Variants in NPAS3 observed in about 807,000 individuals in gnomAD.
NPAS3 encodes the protein neuronal PAS domain-containing protein 3.
Under a neutral mutation model 73.1 loss-of-function variants are expected in NPAS3, and 14 were observed. The ratio of observed to expected loss-of-function variants is 0.19; its 90% CI spans 0.13 to 0.30. The LOEUF is 0.30. NPAS3 is among the 10% of genes least tolerant of loss of function. The pLI, the probability that NPAS3 is intolerant of heterozygous loss-of-function variation, is 1.00. For missense variants in NPAS3, 1,096 were observed against 1,250.0 expected (o/e 0.88, Z 1.86); for synonymous variants, 620 against 541.5 (o/e 1.14, Z -2.01).
chr14:33,627,728 G>C (rs78819611), intron 5 of NPAS3, among the ~76,000 whole-genome samples: 3,839 of 152,320 alleles, frequency 0.025, 59 homozygotes, highest in South Asian at 0.045. Flanking sequence ...ATATAAGTTA[G>C]TGTTGATGAA....
chr14:33,458,587 T>G (rs1008149990), intron 4 of NPAS3, among the ~76,000 whole-genome samples: 1 of 152,216 alleles, frequency 6.6e-6, no homozygotes, highest in African/African-American at 2.4e-5. Context: ...GCATGTTAAT[T>G]GTCATATCTG....
chr14:33,138,886 G>A lies in NPAS3; in HGVS notation c.141-76296G>A, dbSNP rs200045303. Among the ~76,000 whole-genome samples, 10 of 152,250 alleles carry A rather than the reference G, an allele frequency of 6.6e-5. No homozygotes were observed. In the East Asian group the frequency reaches 1.5e-3, roughly 24 times the overall value. On this transcript the variant is annotated intron_variant, in intron 2 of 11. Transcript: ENST00000356141. ...GTATTTTCTTAGAATATATTCTGTCGTGACAAGGAAAGAAAGAGGAAGAAC... is the reference window on the plus strand; with the variant it reads ...GTATTTTCTTAGAATATATTCTGTCATGACAAGGAAAGAAAGAGGAAGAAC...
At chr14:33,469,151 C>T (rs1484028983) in intron 4 of NPAS3, among the ~76,000 whole-genome samples, 1 of 151,998 alleles carries the variant, frequency 6.6e-6, no homozygotes, top group Admixed American at 6.5e-5. Flanking sequence ...AAACTTTGCC[C>T]TTAGTCAAGG....
At position 33,183,090 on chromosome 14, in the gene NPAS3, A is replaced by T. The variant is rs1051142164; in HGVS notation, c.141-32092A>T. On this transcript the variant is annotated intron_variant, in intron 2 of 11. Coordinates refer to ENST00000356141, the Ensembl canonical transcript of NPAS3. ...TTCCTTTAAGTTGCCTTAAGGGCTCATATTTTTGCCACTACTTCTTTAACT... is the reference window on the plus strand; with the variant it reads ...TTCCTTTAAGTTGCCTTAAGGGCTCTTATTTTTGCCACTACTTCTTTAACT... 3.3e-5 allele frequency among the ~76,000 whole-genome samples: 5 copies of T among 152,232 alleles called. No individual in the cohort carries two copies. The East Asian group carries it at 7.7e-4, about 24-fold the overall frequency.
chr14:33,608,344 C>T (rs2057643190), intron 5 of NPAS3: 1 of 152,066 alleles, frequency 6.6e-6, no homozygotes, highest in African/African-American at 2.4e-5. Flanking sequence ...TAGGCAATAT[C>T]TACTTTTAAA....
chr14:33,117,729 T>G (rs1233099470), intron 2 of NPAS3, among the ~76,000 whole-genome samples: 2 of 152,134 alleles, frequency 1.3e-5, no homozygotes, highest in African/African-American at 2.4e-5. Flanking sequence ...TTTTACTTAG[T>G]AAAGTCATAA....
At chr14:33,133,889 C>T (rs1163682804) in intron 2 of NPAS3, among the ~76,000 whole-genome samples, 1 of 151,934 alleles carries the variant, frequency 6.6e-6, no homozygotes, top group African/African-American at 2.4e-5. Context: ...GGATTGTGGT[C>T]CAAAAGCTGT....
At position 33,291,178 on chromosome 14, in the gene NPAS3, A is replaced by C. The variant is rs1272987059; in HGVS notation, c.385+75752A>C. ...CAACCCCATGCTTAATTTACTAGGC[A>C]GTCTAGCTTCCAGTTCTAGAGCTTA... On this transcript the variant is annotated intron_variant, in intron 3 of 11. Coordinates refer to ENST00000356141, the Ensembl canonical transcript of NPAS3. 2.6e-5 allele frequency among the ~76,000 whole-genome samples: 4 copies of C among 152,192 alleles called. 1 individual carries two copies. The highest frequency in any genetic ancestry group is 5.9e-5 in the Non-Finnish European group (4 of 68,024).
At chr14:33,748,198 G>A (rs1439545367) in intron 7 of NPAS3, among the ~76,000 whole-genome samples, 2 of 152,148 alleles carry the variant, frequency 1.3e-5, no homozygotes, top group Non-Finnish European at 2.9e-5. Context: ...TCTTCCTTGA[G>A]TCAGTGTTCT....
intron 5 of NPAS3, among the ~76,000 whole-genome samples, chr14:33,639,106 A>G (rs1314139353): frequency 6.6e-6 from 1 of 152,218 alleles, no homozygotes; most frequent in Non-Finnish European, 1.5e-5. Context: ...CCACATTTTA[A>G]GGAAAACCAC....
At chr14:33,344,924 C>T (rs1188780864) in intron 3 of NPAS3, among the ~76,000 whole-genome samples, 1 of 152,094 alleles carries the variant, frequency 6.6e-6, no homozygotes, top group African/African-American at 2.4e-5. Flanking sequence ...CAAATGTCAC[C>T]CTGCCTCCCA....
At chr14:33,048,290 A>G (rs1217016204) in intron 1 of NPAS3, among the ~76,000 whole-genome samples, 1 of 152,252 alleles carries the variant, frequency 6.6e-6, no homozygotes, top group Non-Finnish European at 1.5e-5. Context: ...ATGTATACAC[A>G]TAATACTTTA....
intron 3 of NPAS3, among the ~76,000 whole-genome samples, chr14:33,313,178 G>A (rs2043074110): frequency 6.6e-6 from 1 of 152,046 alleles, no homozygotes; most frequent in African/African-American, 2.4e-5. Context: ...ATTTGAATTA[G>A]TATCTCTATG....
intron 1 of NPAS3, among the ~76,000 whole-genome samples, chr14:33,027,614 T>C (rs1028126114): frequency 3.3e-5 from 5 of 152,304 alleles, no homozygotes; most frequent in African/African-American, 7.2e-5. Flanking sequence ...GAATGCTCAT[T>C]GACGAGAGGT....
intron 3 of NPAS3, among the ~76,000 whole-genome samples, chr14:33,322,569 A>G (rs766135031): frequency 1.3e-5 from 2 of 151,734 alleles, no homozygotes; most frequent in Non-Finnish European, 2.9e-5. Context: ...ATTTTAAAGA[A>G]GTCTTTTTGT....
chr14:32,950,020 GA>G (rs1699115103), intron 1 of NPAS3, among the ~76,000 whole-genome samples: 1 of 151,968 alleles, frequency 6.6e-6, no homozygotes, highest in Non-Finnish European at 1.5e-5. Flanking sequence ...AGTAAAATAA[GA>G]ATTAGTGTGG....
At chr14:32,968,938 T>C (rs1276691367) in intron 1 of NPAS3, among the ~76,000 whole-genome samples, 1 of 152,148 alleles carries the variant, frequency 6.6e-6, no homozygotes, top group Non-Finnish European at 1.5e-5. Context: ...CTCTCCCTCT[T>C]CGTTGACAGG....
intron 3 of NPAS3, among the ~76,000 whole-genome samples, chr14:33,338,445 C>G (rs1386861017): frequency 6.6e-6 from 1 of 152,112 alleles, no homozygotes; most frequent in Admixed American, 6.6e-5. Context: ...TTTTGGTATA[C>G]TATCATAACT....
At chr14:33,573,067 T>C (rs1391344648) in intron 5 of NPAS3, among the ~76,000 whole-genome samples, 1 of 148,196 alleles carries the variant, frequency 6.7e-6, no homozygotes, top group Non-Finnish European at 1.5e-5. Flanking sequence ...ATGCTAATGG[T>C]GTAAATGAAC....
Sources: gnomAD v4.1 joint callset for allele counts (sites outside exome capture counted in the v4.1 genomes callset) on GRCh38, gnomAD v4.1.1 for gene constraint, MANE v1.5 for transcripts, NCBI Gene and HGNC (gene_info 2026-07-23, HGNC 2026-07-21) for gene names.